Variants in MAPK8 observed in about 807,000 individuals in gnomAD.
The protein encoded by MAPK8 is JUN N-terminal kinase.
MAPK8 carries 13 observed loss-of-function variants against 52.9 expected under a neutral mutation model. That is an observed-to-expected ratio of 0.25 (90% CI 0.16 to 0.39). The LOEUF is 0.39. MAPK8 is among the 10% of genes least tolerant of loss of function. The probability of loss-of-function intolerance (pLI) is 1.00; values close to 1 mark genes in which losing one functional copy is unlikely to be tolerated. For synonymous variants in MAPK8, 191 were observed against 169.8 expected (o/e 1.12, Z -0.97); for missense variants, 300 against 519.2 (o/e 0.58, Z 4.10).
intron 1 of MAPK8, among the ~76,000 whole-genome samples, chr10:48,315,890 T>A (rs1842449682): frequency 6.6e-6 from 1 of 152,132 alleles, no homozygotes; most frequent in Admixed American, 6.6e-5. Context: ...TAGAAGATTA[T>A]AGTTTTCCTC....
At chr10:48,361,650 A>G (rs1847538191) in intron 1 of MAPK8, among the ~76,000 whole-genome samples, 1 of 152,162 alleles carries the variant, frequency 6.6e-6, no homozygotes. Flanking sequence ...CTCTTGTACT[A>G]TTATACTTCT....
intron 1 of MAPK8, among the ~76,000 whole-genome samples, chr10:48,346,731 T>C (rs1336535449): frequency 6.6e-6 from 1 of 152,216 alleles, no homozygotes; most frequent in Non-Finnish European, 1.5e-5. Context: ...CCTGTACACC[T>C]GGCTCTGCCT....
chr10:48,415,429 C>T (rs917464262), intron 5 of MAPK8, among the ~76,000 whole-genome samples: 1 of 152,044 alleles, frequency 6.6e-6, no homozygotes, highest in East Asian at 1.9e-4. Flanking sequence ...ACAAGAACCA[C>T]AAAAAACAAA....
At chr10:48,351,455 C>T (rs953586009) in intron 1 of MAPK8, among the ~76,000 whole-genome samples, 5 of 151,868 alleles carry the variant, frequency 3.3e-5, no homozygotes, top group Non-Finnish European at 7.4e-5. Context: ...AGCGATCCTC[C>T]TGCCTTAGCC....
chr10:48,359,831 T>C (rs993286159), intron 1 of MAPK8, among the ~76,000 whole-genome samples: 1 of 152,254 alleles, frequency 6.6e-6, no homozygotes, highest in Admixed American at 6.5e-5. Context: ...AAAGAGCATA[T>C]TATCCATGAT....
chr10:48,393,646 A>AT (rs1227785199), intron 1 of MAPK8, among the ~76,000 whole-genome samples: 2 of 152,140 alleles, frequency 1.3e-5, no homozygotes, highest in Non-Finnish European at 1.5e-5. Context: ...GTAAAGTAAG[A>AT]TTTTTTTAAA....
chr10:48,403,987 G>A (rs1232519834), intron 2 of MAPK8, among the ~76,000 whole-genome samples: 1 of 149,674 alleles, frequency 6.7e-6, no homozygotes, highest in Admixed American at 6.7e-5. Context: ...GTTTCACCAT[G>A]TTAGCCGGGA....
rs78504283 is a variant in MAPK8 at position 48,311,223 on chromosome 10, G to T, written c.-50+4402G>T. ...ATTGTTATCACTTATATTTAACTTTGAACAAACATAAAATGCCAAGTAAAC... is the reference window on the plus strand; with the variant it reads ...ATTGTTATCACTTATATTTAACTTTTAACAAACATAAAATGCCAAGTAAAC... On this transcript the variant is annotated intron_variant, in intron 1 of 11. Coordinates refer to ENST00000374189, the MANE Select transcript of MAPK8 (RefSeq NM_001323329.2). 6.5e-4 allele frequency among the ~76,000 whole-genome samples: 99 copies of T among 152,232 alleles called. 1 individual carries two copies. The East Asian group carries it at 0.017, about 27-fold the overall frequency.
chr10:48,379,543 A>G (rs1196418123), intron 1 of MAPK8, among the ~76,000 whole-genome samples: 3 of 152,198 alleles, frequency 2.0e-5, no homozygotes, highest in Non-Finnish European at 4.4e-5. Context: ...AGAGGAAGGT[A>G]AATGTTTCAC....
intron 1 of MAPK8, among the ~76,000 whole-genome samples, chr10:48,399,515 C>G (rs958376927): frequency 1.6e-4 from 24 of 152,154 alleles, no homozygotes; most frequent in African/African-American, 5.8e-4. Flanking sequence ...GACTTCTTGT[C>G]ACCGTGAATC....
chr10:48,426,242 T>G, intron 8 of MAPK8, 138 bp from the exon 9 acceptor site: 1 of 864,436 alleles, frequency 1.2e-6, no homozygotes, highest in South Asian at 2.5e-5. Flanking sequence ...TCTTATATAT[T>G]TTAATCATAT....
chr10:48,353,827 A>T (rs765903292), intron 1 of MAPK8, among the ~76,000 whole-genome samples: 1 of 152,246 alleles, frequency 6.6e-6, no homozygotes, highest in Admixed American at 6.5e-5. Context: ...AATTATAGAC[A>T]TGGAGGACAA....
At chr10:48,385,101 T>C (rs1410578796) in intron 1 of MAPK8, among the ~76,000 whole-genome samples, 1 of 152,198 alleles carries the variant, frequency 6.6e-6, no homozygotes, top group Non-Finnish European at 1.5e-5. Flanking sequence ...TGAACTATAG[T>C]GTATATGGCA....
intron 1 of MAPK8, among the ~76,000 whole-genome samples, chr10:48,366,648 C>G (rs899536422): frequency 6.6e-5 from 10 of 152,294 alleles, no homozygotes; most frequent in African/African-American, 9.6e-5. Flanking sequence ...ATCCTTACCA[C>G]ATGAGTTACA....
At chr10:48,381,579 C>A (rs936108253) in intron 1 of MAPK8, among the ~76,000 whole-genome samples, 1 of 151,992 alleles carries the variant, frequency 6.6e-6, no homozygotes, top group African/African-American at 2.4e-5. Flanking sequence ...TTCATGGTTT[C>A]GTAGAAAGAT....
chr10:48,384,617 C>A (rs561342412), intron 1 of MAPK8, among the ~76,000 whole-genome samples: 14 of 152,246 alleles, frequency 9.2e-5, no homozygotes, highest in Admixed American at 8.5e-4. Context: ...AAGGGTTACC[C>A]CTAGGTTAAA....
At chr10:48,428,977 G>A (rs2043923961) in intron 10 of MAPK8, among the ~76,000 whole-genome samples, 1 of 148,808 alleles carries the variant, frequency 6.7e-6, no homozygotes, top group Non-Finnish European at 1.5e-5. Flanking sequence ...GTGATCCACT[G>A]CACTTGGCTA....
chr10:48,416,110 C>G (rs1198542578), intron 5 of MAPK8, among the ~76,000 whole-genome samples: 1 of 152,170 alleles, frequency 6.6e-6, no homozygotes, highest in African/African-American at 2.4e-5. Flanking sequence ...CACCTCCACC[C>G]TTGGCTAGTA....
At chr10:48,378,641 G>A (rs189276649) in intron 1 of MAPK8, among the ~76,000 whole-genome samples, 12 of 152,144 alleles carry the variant, frequency 7.9e-5, no homozygotes, top group African/African-American at 1.7e-4. Context: ...AAAAACAATG[G>A]TCAGGCTAGA....
Sources: gnomAD v4.1 joint callset for allele counts (sites outside exome capture counted in the v4.1 genomes callset) on GRCh38, gnomAD v4.1.1 for gene constraint, MANE v1.5 for transcripts, NCBI Gene and HGNC (gene_info 2026-07-23, HGNC 2026-07-21) for gene names.